Variants in RAVER2 observed in about 807,000 individuals in gnomAD.
The protein encoded by RAVER2 is ribonucleoprotein PTB-binding 2.
In RAVER2, 46 loss-of-function variants were observed where a neutral mutation model predicts 78.1. The observed-to-expected ratio is 0.59, with a 90% CI of 0.46 to 0.75. RAVER2 has a LOEUF of 0.75. Ranked by LOEUF, RAVER2 falls within the 30% of genes least tolerant of loss-of-function variation. The probability of loss-of-function intolerance (pLI) is 0.00; values close to 1 mark genes in which losing one functional copy is unlikely to be tolerated. For missense variants in RAVER2, 793 were observed against 837.5 expected, an observed-to-expected ratio of 0.95 and a Z score of 0.66; for synonymous variants, 311 against 313.3, an observed-to-expected ratio of 0.99 and a Z score of 0.08.
chr1:64,813,994 G>C (rs530232778), intron 10 of RAVER2, among the ~76,000 whole-genome samples: 1 of 152,040 alleles, frequency 6.6e-6, no homozygotes, highest in South Asian at 2.1e-4. Context: ...GTGTGATCTT[G>C]GCTACTGCAG....
rs113308627 is a variant in RAVER2 at position 64,745,874 on chromosome 1, G to T, written c.249+453G>T. ...CCGGTGCTCGGGAGTGCCATAGGGGGCAGGGGCACGAGAGAGCTGGGAGTG... is the reference window on the plus strand; with the variant it reads ...CCGGTGCTCGGGAGTGCCATAGGGGTCAGGGGCACGAGAGAGCTGGGAGTG... On this transcript the variant is annotated intron_variant, in intron 1 of 11. Coordinates refer to ENST00000294428, the Ensembl canonical transcript of RAVER2. The surrounding 1 kb of genome is among the most constrained non-coding windows in gnomAD (Gnocchi z 4.3). 2.0e-3 allele frequency among the ~76,000 whole-genome samples: 297 copies of T among 152,298 alleles called. 1 individual carries two copies. The highest frequency in any genetic ancestry group is 6.8e-3 in the African/African-American group (283 of 41,564).
intron 11 of RAVER2, among the ~76,000 whole-genome samples, chr1:64,823,855 G>A (rs894677783): frequency 1.4e-5 from 2 of 141,404 alleles, no homozygotes; most frequent in African/African-American, 5.4e-5. Flanking sequence ...CATCCAGGCT[G>A]GAGGGCAGTG....
At chr1:64,767,559 C>T (rs1189649997) in intron 1 of RAVER2, among the ~76,000 whole-genome samples, 1 of 151,898 alleles carries the variant, frequency 6.6e-6, no homozygotes, top group Non-Finnish European at 1.5e-5. Flanking sequence ...CATAATAGCA[C>T]CTGTGTATAT....
At chr1:64,754,371 T>G (rs75380295) in intron 1 of RAVER2, among the ~76,000 whole-genome samples, 2,102 of 152,330 alleles carry the variant, frequency 0.014, 17 homozygotes, top group Middle Eastern at 0.051. Context: ...CTTTGTATCC[T>G]CAACCTGTAA....
chr1:64,815,424 A>G (rs1389238912), intron 11 of RAVER2: 4 of 152,234 alleles, frequency 2.6e-5, no homozygotes, highest in African/African-American at 4.8e-5. Flanking sequence ...TATTATGTTC[A>G]TAAGATGTCC....
chr1:64,806,854 A>T (rs1329879817), intron 8 of RAVER2, among the ~76,000 whole-genome samples: 7 of 152,202 alleles, frequency 4.6e-5, no homozygotes, highest in African/African-American at 1.4e-4. Flanking sequence ...ATGACTGGGC[A>T]TAAAAAAAAG....
chr1:64,824,129 A>G (rs748278863), intron 11 of RAVER2, among the ~76,000 whole-genome samples: 4 of 152,096 alleles, frequency 2.6e-5, no homozygotes, highest in Non-Finnish European at 5.9e-5. Flanking sequence ...TTCATTTAAC[A>G]CTTGCCATAT....
At chr1:64,796,400 G>A (rs2100862030) in intron 5 of RAVER2, among the ~76,000 whole-genome samples, 1 of 152,058 alleles carries the variant, frequency 6.6e-6, no homozygotes, top group South Asian at 2.1e-4. Context: ...AATCAGCTGT[G>A]TCAAATTTTT....
At chr1:64,782,704 G>A (rs1652664145) in intron 4 of RAVER2, among the ~76,000 whole-genome samples, 1 of 152,214 alleles carries the variant, frequency 6.6e-6, no homozygotes, top group Non-Finnish European at 1.5e-5. Flanking sequence ...TTGAGGAGTG[G>A]TAAGTGGTCT....
intron 5 of RAVER2, among the ~76,000 whole-genome samples, chr1:64,797,362 C>G (rs1653123283): frequency 6.6e-6 from 1 of 152,160 alleles, no homozygotes; most frequent in East Asian, 1.9e-4. Context: ...AGGCATGATG[C>G]TATGGACATT....
chr1:64,815,485 C>T (rs1653733576), intron 11 of RAVER2: 1 of 152,136 alleles, frequency 6.6e-6, no homozygotes, highest in South Asian at 2.1e-4. Flanking sequence ...CTTCAGCTTA[C>T]TCTTAGTGGT....
At chr1:64,826,107 G>A (rs1653997608) in intron 11 of RAVER2, among the ~76,000 whole-genome samples, 1 of 152,220 alleles carries the variant, frequency 6.6e-6, no homozygotes, top group Non-Finnish European at 1.5e-5. Context: ...TGGATGCTTA[G>A]AAAATATTTT....
exon 12 of RAVER2, chr1:64,832,602 T>TAATTA: frequency 6.6e-6 from 1 of 152,338 alleles, no homozygotes; most frequent in Admixed American, 6.5e-5. Flanking sequence ...TATCCTGTTT[T>TAATTA]AATTATGAAG....
exon 9 of RAVER2, chr1:64,807,253 A>G (rs1351622956): frequency 1.2e-6 from 2 of 1,614,184 alleles, no homozygotes; most frequent in South Asian, 1.1e-5. Context: ...TGGAATGGGC[A>G]TGTTACCATT....
chr1:64,816,871 A>T (rs887024557), intron 11 of RAVER2, among the ~76,000 whole-genome samples: 5 of 152,360 alleles, frequency 3.3e-5, no homozygotes, highest in Non-Finnish European at 7.3e-5. Context: ...AAAACACCAA[A>T]ACCAATGGCA....
chr1:64,747,267 A>G (rs1229169112), intron 1 of RAVER2, among the ~76,000 whole-genome samples: 1 of 152,082 alleles, frequency 6.6e-6, no homozygotes, highest in Non-Finnish European at 1.5e-5. Context: ...CTTAATTATA[A>G]TGTCTGCTTT....
intron 1 of RAVER2, among the ~76,000 whole-genome samples, chr1:64,756,241 C>A (rs928855060): frequency 6.6e-6 from 1 of 152,052 alleles, no homozygotes; most frequent in Admixed American, 6.6e-5. Context: ...CACTTTGATT[C>A]CCTTTGATTA....
At chr1:64,783,641 G>A (rs1652697951) in intron 4 of RAVER2, among the ~76,000 whole-genome samples, 1 of 151,920 alleles carries the variant, frequency 6.6e-6, no homozygotes, top group South Asian at 2.1e-4. Context: ...GGATATATTA[G>A]CCCTTTGTCA....
At chr1:64,746,214 A>G (rs1223410036) in intron 1 of RAVER2, among the ~76,000 whole-genome samples, 1 of 152,240 alleles carries the variant, frequency 6.6e-6, no homozygotes, top group African/African-American at 2.4e-5. Flanking sequence ...AAGACAGAGA[A>G]GCACAAAGGG....
Sources: allele counts gnomAD v4.1 joint callset (sites outside exome capture counted in the v4.1 genomes callset), GRCh38; gene constraint gnomAD v4.1.1; non-coding constraint Gnocchi (gnomAD v3.1); transcripts MANE v1.5; gene names NCBI Gene and HGNC (gene_info 2026-07-23, HGNC 2026-07-21).